DNAH3: variants seen among roughly 807,000 people sequenced by gnomAD.
The protein encoded by DNAH3 is dynein axonemal heavy chain 3, also known as axonemal beta dynein heavy chain 3.
A neutral mutation model predicts 432.5 loss-of-function variants in DNAH3; 332 were observed. The observed-to-expected ratio is 0.77, with a 90% CI of 0.70 to 0.84. The LOEUF (loss-of-function observed/expected upper bound fraction) is 0.84, where lower values mean the gene tolerates loss of function less well. Among genes scored for constraint, DNAH3 ranks in the 40% least tolerant of loss-of-function variants. The pLI is 0.00. For synonymous variants in DNAH3, 1,956 were observed against 1,900.2 expected, an observed-to-expected ratio of 1.03 and a Z score of -0.76; for missense variants, 4,861 against 5,114.0, an observed-to-expected ratio of 0.95 and a Z score of 1.51.
At chr16:20,985,684 A>G (rs1244739067) in exon 48 of DNAH3, 3 of 1,613,994 alleles carry the variant, frequency 1.9e-6, no homozygotes, top group African/African-American at 1.3e-5. Context: ...ATCATCGACT[A>G]TCTTTCCAGT....
At chr16:21,159,031 C>T (rs1271225430) in intron 1 of DNAH3, among the ~76,000 whole-genome samples, 1 of 151,734 alleles carries the variant, frequency 6.6e-6, no homozygotes, top group Non-Finnish European at 1.5e-5. Context: ...CACACACTAC[C>T]ACTAGATTAG....
In DNAH3 at chr16:21,141,496, T is replaced by A. The variant is rs150938605; in HGVS notation, c.449-124A>T. 2.3e-4 allele frequency: 154 copies of A among 664,084 alleles called. No individual in the cohort carries two copies. The African/African-American group carries it at 2.5e-3, about 11-fold the overall frequency. 41.1% of individuals were successfully genotyped at this position (664,084 alleles called of 1,614,324 possible). ...TAAGGGGAGCGGACATGGTACGGTG[T>A]GACGTGGCAGGAGATGTGGGCTCAG... is the stretch of plus-strand genomic sequence containing the variant. On this transcript the variant is annotated intron_variant, in intron 3 of 61. Coordinates refer to ENST00000261383, the Ensembl canonical transcript of DNAH3.
At chr16:21,009,035 T>C (rs1282946046) in intron 41 of DNAH3, among the ~76,000 whole-genome samples, 2 of 152,244 alleles carry the variant, frequency 1.3e-5, no homozygotes, top group Non-Finnish European at 2.9e-5. Context: ...GCACAATGCT[T>C]ACAGAGCGAC....
chr16:21,155,874 TA>T (rs1177384098), intron 1 of DNAH3, among the ~76,000 whole-genome samples: 7 of 152,214 alleles, frequency 4.6e-5, no homozygotes, highest in African/African-American at 1.7e-4. Flanking sequence ...ACACATTTCT[TA>T]TTCAGAGGCT....
chr16:21,021,903 A>C (rs2088246983), intron 40 of DNAH3, 68 bp downstream of exon 40: 1 of 1,097,928 alleles, frequency 9.1e-7, no homozygotes, highest in Non-Finnish European at 1.2e-6. Flanking sequence ...ACTTCATCTC[A>C]AAAAAAAAAG....
intron 10 of DNAH3, chr16:21,121,008 A>G (rs1464399021): frequency 4.2e-6 from 3 of 714,112 alleles, no homozygotes; most frequent in Non-Finnish European, 7.6e-6. Context: ...CAGATTGCAA[A>G]GAGAAGAATG....
At chr16:21,116,853 C>T (rs4619385) in intron 12 of DNAH3, among the ~76,000 whole-genome samples, 15,522 of 152,214 alleles carry the variant, frequency 0.1, 971 homozygotes, top group Non-Finnish European at 0.14. Flanking sequence ...CCAGACCTCA[C>T]AGAAACTGCA....
At chr16:21,105,771 AAAAT>A (rs1427016397) in intron 15 of DNAH3, among the ~76,000 whole-genome samples, 1 of 152,176 alleles carries the variant, frequency 6.6e-6, no homozygotes, top group Non-Finnish European at 1.5e-5. Flanking sequence ...CTCGACAAAA[AAAAT>A]AAATAAATAA....
exon 48 of DNAH3, chr16:20,985,284 G>A (rs769402878): frequency 7.4e-6 from 12 of 1,614,066 alleles, no homozygotes; most frequent in Non-Finnish European, 1.0e-5. Context: ...GGAACACGGT[G>A]CTCTTGGTGG....
intron 19 of DNAH3, among the ~76,000 whole-genome samples, chr16:21,082,563 C>T (rs1295065246): frequency 1.3e-5 from 2 of 152,122 alleles, no homozygotes; most frequent in South Asian, 2.1e-4. Context: ...GGTGCAGTGG[C>T]TTACTCCTGT....
chr16:21,000,227 C>A (rs1306424832), exon 43 of DNAH3: 1 of 1,612,910 alleles, frequency 6.2e-7, no homozygotes, highest in Non-Finnish European at 8.5e-7. Context: ...GCCTTACCCA[C>A]AAACACCACT....
At chr16:21,081,665 G>C (rs762466338) in exon 20 of DNAH3, 1 of 1,613,532 alleles carries the variant, frequency 6.2e-7, no homozygotes, top group Non-Finnish European at 8.5e-7. Context: ...ATCCAAATTC[G>C]AGCATATTTG....
intron 41 of DNAH3, among the ~76,000 whole-genome samples, chr16:21,014,933 A>G (rs912724014): frequency 1.1e-4 from 14 of 126,942 alleles, no homozygotes; most frequent in African/African-American, 4.3e-4. Context: ...CAAAGAAATA[A>G]AAAACAGTCT....
chr16:20,953,440 T>C (rs2084409955), intron 55 of DNAH3, among the ~76,000 whole-genome samples: 1 of 152,174 alleles, frequency 6.6e-6, no homozygotes, highest in South Asian at 2.1e-4. Flanking sequence ...ATTACAGGTG[T>C]GAACCATCGC....
chr16:21,030,948 T>G (rs2088838114), intron 37 of DNAH3, 97 bp downstream of exon 37: 4 of 1,242,512 alleles, frequency 3.2e-6, no homozygotes. Context: ...ACATACATAA[T>G]AAATGTATGT....
chr16:21,117,148 A>G (rs1245079540), intron 12 of DNAH3, 55 bp downstream of exon 12: 1 of 1,236,576 alleles, frequency 8.1e-7, no homozygotes, highest in Non-Finnish European at 1.2e-6. Context: ...AGAGTTAAGA[A>G]CACCAAATCA....
intron 44 of DNAH3, among the ~76,000 whole-genome samples, chr16:20,989,114 C>A (rs528715273): frequency 5.3e-5 from 8 of 152,188 alleles, no homozygotes; most frequent in Admixed American, 1.3e-4. Context: ...GAGCGGGTTA[C>A]CACTGCTGGC....
At chr16:20,982,005 AAT>A (rs1040580290) in intron 49 of DNAH3, among the ~76,000 whole-genome samples, 1 of 146,290 alleles carries the variant, frequency 6.8e-6, no homozygotes, top group Admixed American at 6.8e-5. Context: ...TATAATATAT[AAT>A]ATATATAATT....
At chr16:20,943,372 CCAG>C (rs1214302886) in intron 58 of DNAH3, among the ~76,000 whole-genome samples, 1 of 152,026 alleles carries the variant, frequency 6.6e-6, no homozygotes, top group African/African-American at 2.4e-5. Context: ...GCCATGGCAC[CCAG>C]CCCTCGGTTA....
Sources: gnomAD v4.1 joint callset for allele counts (sites outside exome capture counted in the v4.1 genomes callset) on GRCh38, gnomAD v4.1.1 for gene constraint, MANE v1.5 for transcripts, NCBI Gene and HGNC (gene_info 2026-07-23, HGNC 2026-07-21) for gene names.